The following RPF2 variants were observed in gnomAD, a reference collection of about 807,000 sequenced individuals.
RPF2 encodes the protein brix domain containing 1.
A neutral mutation model predicts 38.9 loss-of-function variants in RPF2; 21 were observed. The ratio of observed to expected loss-of-function variants is 0.54; its 90% confidence interval spans 0.38 to 0.78. The LOEUF is 0.78. Among genes scored for constraint, RPF2 ranks in the 30% least tolerant of loss-of-function variants. The probability of loss-of-function intolerance (pLI) is 0.00; values close to 1 mark genes in which losing one functional copy is unlikely to be tolerated. For missense variants in RPF2, 314 were observed against 358.1 expected (o/e 0.88, Z 0.99); for synonymous variants, 121 against 126.2 (o/e 0.96, Z 0.28).
At chr6:111,014,034 GT>G (rs200301289) in intron 7 of RPF2, among the ~76,000 whole-genome samples, 55 of 145,324 alleles carry the variant, frequency 3.8e-4, no homozygotes, top group African/African-American at 8.0e-4. Flanking sequence ...ATGTTCATTA[GT>G]TTTTTTTTTT....
At chr6:111,019,931 T>TTTTTTTTTC (rs1772200659) in intron 8 of RPF2, among the ~76,000 whole-genome samples, 1 of 151,954 alleles carries the variant, frequency 6.6e-6, no homozygotes, top group African/African-American at 2.4e-5. Context: ...TGTTTTTTTT[T>TTTTTTTTTC]TGAGACGGAG....
At chr6:111,009,777 G>A (rs1448509861) in intron 7 of RPF2, among the ~76,000 whole-genome samples, 1 of 151,532 alleles carries the variant, frequency 6.6e-6, no homozygotes, top group African/African-American at 2.4e-5. Context: ...AGGCTCAAGT[G>A]ATCCTCCCAC....
chr6:111,004,278 G>A (rs937526302), intron 6 of RPF2, among the ~76,000 whole-genome samples: 5 of 151,274 alleles, frequency 3.3e-5, no homozygotes, highest in East Asian at 2.0e-4. Flanking sequence ...CGCCTCCTGG[G>A]TTCACGCGAT....
At chr6:110,983,527 A>G (rs781434166) in intron 1 of RPF2, among the ~76,000 whole-genome samples, 28 of 151,990 alleles carry the variant, frequency 1.8e-4, no homozygotes, top group Non-Finnish European at 4.0e-4. Flanking sequence ...TATTTTTTGT[A>G]GAGACAGGGT....
intron 3 of RPF2, among the ~76,000 whole-genome samples, chr6:110,990,081 G>T (rs1175738890): frequency 6.6e-6 from 1 of 152,020 alleles, no homozygotes; most frequent in East Asian, 1.9e-4. Context: ...TGGGATTACG[G>T]GCATGCGCCA....
Position 111,025,499 on chromosome 6 carries a change from A to C in RPF2, c.838A>C (p.Lys280Gln), listed in dbSNP as rs751533518. The C allele has an allele frequency of 3.1e-6, 5 of 1,613,852 alleles. No homozygotes were observed. The South Asian group carries it at 5.5e-5, about 18-fold the overall frequency. Reference protein sequence around the residue: ...KQDLSKLQTRKMKGLKKRPAE... With the variant: ...KQDLSKLQTRQMKGLKKRPAE... ...AGACCTAAGCAAACTACAAACCAGG[A>C]AAATGAAGGGGTTGAAGAAGCGACC... The change falls in exon 10 of 10, where the codon AAA (lysine) becomes CAA (glutamine). Residue 280 changes from lysine (K) to glutamine (Q), a missense_variant. By Grantham distance (53) the Lys-to-Gln change is moderately conservative. Transcript: ENST00000441448.
intron 7 of RPF2, among the ~76,000 whole-genome samples, chr6:111,015,390 G>T (rs922598773): frequency 6.6e-6 from 1 of 151,962 alleles, no homozygotes; most frequent in Non-Finnish European, 1.5e-5. Context: ...TAGTCAATTT[G>T]AACAGCCATT....
chr6:110,985,231 G>A, intron 2 of RPF2, 93 bp downstream of exon 2: 1 of 1,132,918 alleles, frequency 8.8e-7, no homozygotes, highest in Non-Finnish European at 1.3e-6. Context: ...ACGTAGATAA[G>A]CTTGCCTTAC....
At chr6:111,017,368 C>A (rs1376107638) in intron 8 of RPF2, among the ~76,000 whole-genome samples, 1 of 148,040 alleles carries the variant, frequency 6.8e-6, no homozygotes, top group Non-Finnish European at 1.5e-5. Context: ...CCCCGCCTCC[C>A]TCCTGGACGG....
Position 111,027,846 on chromosome 6 carries a change from G to A in RPF2, c.*2264G>A, listed in dbSNP as rs1038016080. ...AAAGACTTTTTGTTGAGAACACCTT[G>A]TAGTGTTGTACTATCTGGAACTCTT... On this transcript the variant is annotated 3_prime_UTR_variant, in exon 10 of 10. Transcript: ENST00000441448. The A allele has an allele frequency of 2.0e-5, 3 of 152,164 alleles. No individual in the cohort carries two copies. Among genetic ancestry groups the A allele is most frequent in the Admixed American group, 2.0e-4 (3 of 15,276 alleles). The allele number at this position is 152,164 out of a possible 1,614,324, so 9.4% of individuals were successfully genotyped here. A position where few individuals can be genotyped will look rare whatever the true frequency, so the allele number is the denominator to read the frequency against.
intron 1 of RPF2, among the ~76,000 whole-genome samples, chr6:110,983,896 G>T (rs1771476490): frequency 6.6e-6 from 1 of 152,022 alleles, no homozygotes; most frequent in Admixed American, 6.6e-5. Flanking sequence ...GGGCGTCGTG[G>T]CGGGCGCCTG....
At chr6:111,023,217 C>T (rs997224366) in intron 8 of RPF2, among the ~76,000 whole-genome samples, 21 of 152,068 alleles carry the variant, frequency 1.4e-4, no homozygotes, top group African/African-American at 4.8e-4. Context: ...ATCACTTTAT[C>T]CTGCCTGTAT....
At chr6:111,003,280 G>A (rs1771845044) in intron 6 of RPF2, among the ~76,000 whole-genome samples, 1 of 151,570 alleles carries the variant, frequency 6.6e-6, no homozygotes, top group East Asian at 1.9e-4. Context: ...TCATTCCTCC[G>A]TTAACTTGTC....
rs565266208 is a variant in RPF2, at chr6:111,013,208, C to T, written c.494-2546C>T. On this transcript the variant is annotated intron_variant, in intron 7 of 9. Transcript: ENST00000441448. ...TCATATCTACCTAGAATGCAGGGCC[C>T]CTGATAGAAAAATGCTATATGTCAT... 5.3e-5 allele frequency among the ~76,000 whole-genome samples: 8 copies of T among 152,218 alleles called. No individual in the cohort carries two copies. The East Asian group carries it at 1.4e-3, about 26-fold the overall frequency.
At chr6:110,999,050 A>G (rs1350755634) in intron 5 of RPF2, among the ~76,000 whole-genome samples, 1 of 152,154 alleles carries the variant, frequency 6.6e-6, no homozygotes, top group African/African-American at 2.4e-5. Context: ...AAGAATATGA[A>G]AAGATTCCCT....
chr6:110,985,269 G>C (rs544214380), intron 2 of RPF2, 131 bp downstream of exon 2: 2 of 709,792 alleles, frequency 2.8e-6, no homozygotes, highest in South Asian at 3.0e-5. Flanking sequence ...TTAGAGAAGA[G>C]CTAAAGTTGG....
At chr6:110,984,695 C>G (rs1417284033) in intron 1 of RPF2, among the ~76,000 whole-genome samples, 2 of 151,868 alleles carry the variant, frequency 1.3e-5, no homozygotes, top group Non-Finnish European at 2.9e-5. Context: ...CAAAAATTAC[C>G]CAGGCGTGGT....
At chr6:110,988,642 G>T (rs1055174504) in intron 2 of RPF2, among the ~76,000 whole-genome samples, 21 of 152,084 alleles carry the variant, frequency 1.4e-4, no homozygotes, top group African/African-American at 4.8e-4. Flanking sequence ...TTGCCATGTT[G>T]CCCAGGCTGG....
At position 111,024,758 on chromosome 6, in the gene RPF2, A is replaced by C. The variant is rs1446464082; in HGVS notation, c.741+431A>C. Among the ~76,000 whole-genome samples the C allele has an allele frequency of 3.3e-5, 5 of 152,086 alleles. No individual in the cohort carries two copies. In the South Asian group the frequency reaches 1.0e-3, roughly 32 times the overall value. On this transcript the variant is annotated intron_variant, in intron 9 of 9. Transcript: ENST00000441448. ...TATAAAGAGATCAATACAATAGATT[A>C]AACTAGGACTCACAGAGCCAGGAAA...
Sources: allele counts gnomAD v4.1 joint callset (sites outside exome capture counted in the v4.1 genomes callset), GRCh38; gene constraint gnomAD v4.1.1; transcripts MANE v1.5; gene names NCBI Gene and HGNC (gene_info 2026-07-23, HGNC 2026-07-21).